CSMD1: variants seen among roughly 807,000 people sequenced by gnomAD.
CSMD1 encodes CUB and Sushi multiple domains 1.
In CSMD1, 213 loss-of-function variants were observed where a neutral mutation model predicts 417.5. That is an observed-to-expected ratio of 0.51 (90% CI 0.46 to 0.57). The LOEUF (loss-of-function observed/expected upper bound fraction) is 0.57. Among genes scored for constraint, CSMD1 ranks in the 20% least tolerant of loss-of-function variants. CSMD1 has a pLI of 0.00. For synonymous variants in CSMD1, 2,862 were observed against 1,736.8 expected (o/e 1.65, Z -16.11); for missense variants, 6,923 against 4,529.7 (o/e 1.53, Z -15.17).
At chr8:4,054,698 C>T (rs986100137) in intron 3 of CSMD1, among the ~76,000 whole-genome samples, 2 of 152,014 alleles carry the variant, frequency 1.3e-5, no homozygotes, top group Non-Finnish European at 2.9e-5. Context: ...CATGTGAATT[C>T]CTGAGGGTGC....
chr8:3,411,717 T>C (rs1182797052), intron 12 of CSMD1, among the ~76,000 whole-genome samples: 3 of 128,480 alleles, frequency 2.3e-5, no homozygotes, highest in African/African-American at 8.8e-5. Context: ...CACGTATATA[T>C]ACACGTACAT....
At chr8:3,054,547 G>A (rs1812084568) in intron 49 of CSMD1, among the ~76,000 whole-genome samples, 1 of 152,212 alleles carries the variant, frequency 6.6e-6, no homozygotes. Flanking sequence ...AAGCCCAGGA[G>A]ACAGAGGTTG....
At chr8:4,322,208 C>T (rs1338481155) in intron 3 of CSMD1, among the ~76,000 whole-genome samples, 1 of 152,124 alleles carries the variant, frequency 6.6e-6, no homozygotes, top group African/African-American at 2.4e-5. Flanking sequence ...CTCTATGGTT[C>T]CATATAGATA....
chr8:4,354,020 G>C (rs1415563945), intron 3 of CSMD1, among the ~76,000 whole-genome samples: 2 of 152,128 alleles, frequency 1.3e-5, no homozygotes, highest in Non-Finnish European at 2.9e-5. Flanking sequence ...ACATTCTTCA[G>C]GCTTTTTCCT....
intron 11 of CSMD1, among the ~76,000 whole-genome samples, chr8:3,488,778 T>A (rs567900133): frequency 6.6e-6 from 1 of 152,316 alleles, no homozygotes; most frequent in Non-Finnish European, 1.5e-5. Flanking sequence ...CAGTTGAGTC[T>A]GTCTATACTG....
chr8:3,357,592 T>A (rs1808876861), intron 21 of CSMD1, among the ~76,000 whole-genome samples: 1 of 152,166 alleles, frequency 6.6e-6, no homozygotes, highest in South Asian at 2.1e-4. Flanking sequence ...TGAAATAGAA[T>A]AACATTTAAT....
intron 26 of CSMD1, among the ~76,000 whole-genome samples, chr8:3,263,348 C>G (rs977410782): frequency 4.6e-5 from 7 of 152,302 alleles, no homozygotes; most frequent in Admixed American, 2.0e-4. Flanking sequence ...ATCTGCCTGC[C>G]TTGACCTGCC....
At chr8:3,343,777 C>A (rs531597569) in intron 22 of CSMD1, among the ~76,000 whole-genome samples, 1 of 151,790 alleles carries the variant, frequency 6.6e-6, no homozygotes, top group East Asian at 1.9e-4. Context: ...CTTTTTATTC[C>A]TTTTCTCATA....
At position 4,312,465 on chromosome 8, in the gene CSMD1, GTA is replaced by G. The variant is rs140158264; in HGVS notation, c.415+107486_415+107487del. On this transcript the variant is annotated intron_variant, in intron 3 of 69. Transcript: ENST00000635120. ...TATATATATACGTATATATATGCGC[GTA>G]TATATATATATACACATATAGAACT... Among the ~76,000 whole-genome samples the G allele has an allele frequency of 3.3e-4, 39 of 119,124 alleles. 5 individuals are homozygous for G. The highest frequency in any genetic ancestry group is 1.1e-3 in the African/African-American group (27 of 24,194). 78.1% of individuals were successfully genotyped at this position (119,124 alleles called of 152,430 possible).
chr8:3,130,861 C>T (rs766354303), intron 41 of CSMD1, among the ~76,000 whole-genome samples: 8 of 152,168 alleles, frequency 5.3e-5, no homozygotes, highest in Non-Finnish European at 1.2e-4. Context: ...CAAATCAATG[C>T]CCTAAACATA....
rs190010480 is a variant in CSMD1 at position 4,284,820 on chromosome 8, C to T, written c.415+135133G>A. On this transcript the variant is annotated intron_variant, in intron 3 of 69. Transcript: ENST00000635120. ...ATTTTACAAACTTCAATATATGTGG[C>T]CGTGTTCAAAAACAAAACAAAACAA... 1.0e-3 allele frequency among the ~76,000 whole-genome samples: 152 copies of T among 152,148 alleles called. 1 individual carries two copies. The highest frequency in any genetic ancestry group is 1.9e-3 in the Non-Finnish European group (126 of 68,002).
chr8:3,038,956 T>G (rs12541252), intron 50 of CSMD1, among the ~76,000 whole-genome samples: 78,441 of 151,898 alleles, frequency 0.52, 20,558 homozygotes, highest in African/African-American at 0.55. Context: ...ACTATATAGA[T>G]TAGGTAAACT....
chr8:3,282,407 C>T (rs924188482), intron 26 of CSMD1, among the ~76,000 whole-genome samples: 1 of 152,098 alleles, frequency 6.6e-6, no homozygotes, highest in Non-Finnish European at 1.5e-5. Flanking sequence ...CTGGAGAATA[C>T]AGAATGGAAA....
intron 23 of CSMD1, among the ~76,000 whole-genome samples, chr8:3,310,548 T>C (rs1805249678): frequency 6.6e-6 from 1 of 152,226 alleles, no homozygotes; most frequent in East Asian, 1.9e-4. Flanking sequence ...ACATTAGGTA[T>C]GCTGCTTATC....
intron 3 of CSMD1, among the ~76,000 whole-genome samples, chr8:4,068,944 A>G (rs992445256): frequency 4.6e-5 from 7 of 152,220 alleles, no homozygotes; most frequent in African/African-American, 1.7e-4. Context: ...AATTCTTAGC[A>G]AAATTTACAA....
At chr8:3,464,204 C>G (rs1816674815) in intron 12 of CSMD1, among the ~76,000 whole-genome samples, 1 of 152,092 alleles carries the variant, frequency 6.6e-6, no homozygotes, top group Admixed American at 6.5e-5. Flanking sequence ...TGAACTCGAA[C>G]CGAATTTTTT....
Position 4,236,484 on chromosome 8 carries a change from G to T in CSMD1, c.415+183469C>A, listed in dbSNP as rs180741821. 1.6e-3 allele frequency among the ~76,000 whole-genome samples: 241 copies of T among 152,194 alleles called. 2 individuals carry two copies. The highest frequency in any genetic ancestry group is 5.4e-3 in the African/African-American group (224 of 41,508). On this transcript the variant is annotated intron_variant, in intron 3 of 69. Coordinates refer to ENST00000635120, the MANE Select transcript of CSMD1 (RefSeq NM_033225.6). ...ACAAACACAACTGGCTGTATTCATG[G>T]GCCAGAGTAGGAATCTGAGATGATT... is the stretch of plus-strand genomic sequence containing the variant.
intron 23 of CSMD1, among the ~76,000 whole-genome samples, chr8:3,318,556 A>G (rs560419746): frequency 6.6e-6 from 1 of 152,360 alleles, no homozygotes; most frequent in East Asian, 1.9e-4. Flanking sequence ...AATTCAACAC[A>G]TACTTATTAA....
At chr8:3,966,981 G>A (rs983725674) in intron 5 of CSMD1, among the ~76,000 whole-genome samples, 27 of 152,210 alleles carry the variant, frequency 1.8e-4, no homozygotes, top group African/African-American at 6.3e-4. Flanking sequence ...AGGAGTGGAG[G>A]GTACATCTTC....
Sources: gnomAD v4.1 joint callset for allele counts (sites outside exome capture counted in the v4.1 genomes callset) on GRCh38, gnomAD v4.1.1 for gene constraint, MANE v1.5 for transcripts, NCBI Gene and HGNC (gene_info 2026-07-23, HGNC 2026-07-21) for gene names.